Variants in TTN observed in about 807,000 individuals in gnomAD.
TTN encodes the protein titin, also known as connectin.
A neutral mutation model predicts 3,223.0 loss-of-function variants in TTN; 1,525 were observed. That is an observed-to-expected ratio of 0.47 (90% CI 0.45 to 0.49). TTN has a LOEUF of 0.49. TTN is among the 20% of genes least tolerant of loss of function. The probability of loss-of-function intolerance (pLI) is 0.00; values close to 1 mark genes in which losing one functional copy is unlikely to be tolerated. For missense variants in TTN, 40,786 were observed against 43,424.0 expected, an observed-to-expected ratio of 0.94 and a Z score of 5.40; for synonymous variants, 14,094 against 15,161.0, an observed-to-expected ratio of 0.93 and a Z score of 5.17.
rs1198941645 is a variant in TTN, at chr2:178,579,322, G to A, written c.67708C>T (p.Leu22570Phe). Residue 22570 changes from leucine to phenylalanine, a missense_variant, in exon 320 of 363, where the codon CTT (leucine) becomes TTT (phenylalanine). Coordinates refer to ENST00000589042, the MANE Select transcript of TTN (RefSeq NM_001267550.2). Reference protein sequence around the residue: ...YLAKENSNFRLKIPIKGKPAP... With the variant: ...YLAKENSNFRFKIPIKGKPAP... ...GGCTTGCCTTTTATGGGGATCTTAA[G>A]CCGGAAGTTGCTGTTTTCTTTAGCC... 1 of 1,608,190 alleles carries A rather than the reference G, an allele frequency of 6.2e-7. No individual in the cohort carries two copies. The highest frequency in any genetic ancestry group is 8.5e-7 in the Non-Finnish European group (1 of 1,176,834).
chr2:178,556,659 A>G, intron 330 of TTN, 189 bp downstream of exon 330: 1 of 633,328 alleles, frequency 1.6e-6, no homozygotes, highest in Non-Finnish European at 2.7e-6. Flanking sequence ...CTCACTTTAC[A>G]GTCAAGTCAA....
At chr2:178,768,968 C>A (rs2091013162) in intron 37 of TTN, 35 bp from the exon 38 acceptor site, 1 of 1,610,046 alleles carries the variant, frequency 6.2e-7, no homozygotes, top group South Asian at 1.1e-5. Flanking sequence ...CCCAAGGAGA[C>A]TTTACGTAAA....
chr2:178,540,366 A>C lies in TTN; in HGVS notation c.97800T>G (p.Pro32600=), dbSNP rs1693804358. 1 of 1,610,724 alleles carries C rather than the reference A, an allele frequency of 6.2e-7. No homozygotes were observed. Among genetic ancestry groups the C allele is most frequent in the African/African-American group, 1.3e-5 (1 of 74,744 alleles). Residue 32600 remains proline (P), a synonymous_variant, in exon 351 of 363, where the codon CCT becomes CCG. Coordinates refer to ENST00000589042, the MANE Select transcript of TTN (RefSeq NM_001267550.2). ...CTCTTGGGTTTTGTGGCTTTCCTGGAGGAGCTGAGAATAAGAATAAGAATA... is the reference window on the plus strand; with the variant it reads ...CTCTTGGGTTTTGTGGCTTTCCTGGCGGAGCTGAGAATAAGAATAAGAATA... ...KPIVAMDPIA[P]PGKPQNPRVT...
rs876658107 is a variant in TTN at position 178,740,382 on chromosome 2, T to G, written c.12851A>C (p.Gln4284Pro). 1 of 1,613,464 alleles carries G rather than the reference T, an allele frequency of 6.2e-7. No individual in the cohort carries two copies. Among genetic ancestry groups the G allele is most frequent in the Middle Eastern group, 1.7e-4 (1 of 6,054 alleles). ...AGGGACTAGGGGCTCATAGTTTACC[T>G]GAGAGATCATGACATCAGGACTCTG... is the stretch of plus-strand genomic sequence containing the variant. ...SLQSPDVMIS[Q>P]VNYEPLVPSE... The change falls in exon 48 of 363, where the codon CAG (glutamine) becomes CCG (proline). Residue 4284 changes from glutamine (Q) to proline (P), a missense_variant. Coordinates refer to ENST00000589042, the MANE Select transcript of TTN (RefSeq NM_001267550.2).
In TTN at chr2:178,542,316, G is replaced by T. The variant is rs537143465; in HGVS notation, c.97440C>A (p.Phe32480Leu). The T allele has an allele frequency of 1.2e-6, 2 of 1,612,550 alleles. No homozygotes were observed. Among genetic ancestry groups the T allele is most frequent in the African/African-American group, 1.3e-5 (1 of 74,876 alleles). The change falls in exon 349 of 363, where the codon TTC (phenylalanine) becomes TTA (leucine). Residue 32480 changes from phenylalanine (F) to leucine (L), a missense_variant. Coordinates refer to ENST00000589042, the MANE Select transcript of TTN (RefSeq NM_001267550.2). ...YVFRVAATNR[F>L]GIGSYLQSEV... ...CAGACTGCAAGTAAGAGCCAATCCC[G>T]AAGCGGTTTGTTGCAGCCACACGGA...
At chr2:178,748,700 T>C (rs2084418207) in intron 47 of TTN, 1 of 1,612,690 alleles carries the variant, frequency 6.2e-7, no homozygotes, top group Admixed American at 1.7e-5. Flanking sequence ...TGATTCATGT[T>C]CAGCTCTTTT....
chr2:178,527,403 G>A (rs1335200663), intron 362 of TTN, 43 bp downstream of exon 362: 5 of 1,595,008 alleles, frequency 3.1e-6, no homozygotes, highest in Admixed American at 3.4e-5. Context: ...ACTACACCAT[G>A]TTACTTGGCT....
Position 178,680,318 on chromosome 2 carries a change from G to C in TTN, c.33354C>G (p.Pro11118=). The part of the protein sequence containing the change: ...TEPAAKVPMK[P]KRVVAEEKVP... ...CTTTTTCTTCTGCGACAACCCTCTTGGGCTTCATGGGCACTTGAAATATGA... is the reference window on the plus strand; with the variant it reads ...CTTTTTCTTCTGCGACAACCCTCTTCGGCTTCATGGGCACTTGAAATATGA... Residue 11118 remains proline, a synonymous_variant, in exon 139 of 363, where the codon CCC becomes CCG. Transcript: ENST00000589042. 1.2e-6 allele frequency: 2 copies of C among 1,608,618 alleles called. No homozygotes were observed. Among genetic ancestry groups the C allele is most frequent in the Non-Finnish European group, 8.5e-7 (1 of 1,178,398 alleles).
At position 178,559,529 on chromosome 2, in the gene TTN, A is replaced by G. The variant is rs1702826806; in HGVS notation, c.86603T>C (p.Val28868Ala). The change falls in exon 326 of 363, where the codon GTT (valine) becomes GCT (alanine). Residue 28868 changes from valine (V) to alanine (A), a missense_variant. Coordinates refer to ENST00000589042, the MANE Select transcript of TTN (RefSeq NM_001267550.2). ...TGGTGCTCCACCATCGTTTTCAGGA[A>G]CATCCCAGGATAACACTGCAGACTC... ...TKESAVLSWD[V>A]PENDGGAPVK... is the part of the protein sequence containing the mutation. The G allele has an allele frequency of 6.2e-7, 1 of 1,613,710 alleles. No homozygotes were observed. Among genetic ancestry groups the G allele is most frequent in the Non-Finnish European group, 8.5e-7 (1 of 1,179,760 alleles).
chr2:178,624,521 T>G lies in TTN; in HGVS notation c.44759A>C (p.Lys14920Thr). ...ATCCTTAGCATCACAAGTGTATGTTTTAATATCCTCTGGGGTACAGTCATG... is the reference window on the plus strand; with the variant it reads ...ATCCTTAGCATCACAAGTGTATGTTGTAATATCCTCTGGGGTACAGTCATG... ...VIHDCTPEDI[K>T]TYTCDAKDFK... The change falls in exon 242 of 363, where the codon AAA (lysine) becomes ACA (threonine). Residue 14920 changes from lysine (K) to threonine (T), a missense_variant. Lys to Thr is a moderately conservative substitution (Grantham distance 78). Coordinates refer to ENST00000589042, the MANE Select transcript of TTN (RefSeq NM_001267550.2). 1 of 1,612,784 alleles carries G rather than the reference T, an allele frequency of 6.2e-7. No individual in the cohort carries two copies. Among genetic ancestry groups the G allele is most frequent in the Non-Finnish European group, 8.5e-7 (1 of 1,179,156 alleles).
Position 178,541,361 on chromosome 2 carries a change from G to T in TTN, c.97716C>A (p.His32572Gln). The stretch of plus-strand genomic sequence containing the variant: ...CTCTTGCATTAATGGCTGTGACACG[G>T]TGTTCATATTCTAAGCCTTCAGTAA... ...TGLTEGLEYE[H>Q]RVTAINARGS... Residue 32572 changes from histidine (H) to glutamine (Q), a missense_variant, in exon 350 of 363, where the codon CAC becomes CAA. By Grantham distance (24) the His-to-Gln change is conservative (BLOSUM62 0). Transcript: ENST00000589042. 1.2e-6 allele frequency: 2 copies of T among 1,600,054 alleles called. No individual in the cohort carries two copies. The highest frequency in any genetic ancestry group is 1.7e-6 in the Non-Finnish European group (2 of 1,172,376).
chr2:178,586,727 G>C lies in TTN; in HGVS notation c.64174C>G (p.Arg21392Gly). ...CCATCGATTTTAGCACCTCCATCAC[G>C]TAGGGGAGGTAACCAGGCTAAGGTG... Reference protein sequence around the residue: ...SATLAWLPPLRDGGAKIDGYI... With the variant: ...SATLAWLPPLGDGGAKIDGYI... The change falls in exon 308 of 363, where the codon CGT becomes GGT. Residue 21392 changes from arginine (R) to glycine (G), a missense_variant. Transcript: ENST00000589042. The C allele has an allele frequency of 6.2e-7, 1 of 1,613,112 alleles. No individual in the cohort carries two copies.
Position 178,734,544 on chromosome 2 carries a change from G to A in TTN, c.15280C>T (p.Leu5094Phe). The A allele has an allele frequency of 6.2e-7, 1 of 1,608,762 alleles. No homozygotes were observed. Among genetic ancestry groups the A allele is most frequent in the Non-Finnish European group, 8.5e-7 (1 of 1,176,754 alleles). ...CCAGTGCCTGAGACTTCACACTGAA[G>A]TAGAGCATTTGTTCCTCTCACTATG... ...ADIVRGTNAL[L>F]QCEVSGTGPF... The change falls in exon 52 of 363, where the codon CTT becomes TTT. Residue 5094 changes from leucine to phenylalanine, a missense_variant. Physicochemically the swap from Leu to Phe is conservative, Grantham distance 22. Coordinates refer to ENST00000589042, the MANE Select transcript of TTN (RefSeq NM_001267550.2).
rs1474621978 is a variant in TTN at position 178,602,477 on chromosome 2, C to G, written c.54925G>C (p.Val18309Leu). The change falls in exon 283 of 363, where the codon GTA (valine) becomes CTA (leucine). Residue 18309 changes from valine to leucine, a missense_variant. Val to Leu is a conservative substitution (Grantham distance 32). Transcript: ENST00000589042. ...DGGSPIKGYI[V>L]EMQEEGTTDW... ...GTAGTACCTTCTTCTTGCATTTCTA[C>G]AATGTATCCTTTGATTGGGCTGCCA... The G allele has an allele frequency of 3.1e-6, 5 of 1,612,104 alleles. No individual in the cohort carries two copies. The highest frequency in any genetic ancestry group is 4.2e-6 in the Non-Finnish European group (5 of 1,178,990).
chr2:178,783,771 T>C lies in TTN; in HGVS notation c.2790A>G (p.Ala930=). 1.2e-6 allele frequency: 2 copies of C among 1,613,526 alleles called. No individual in the cohort carries two copies. Among genetic ancestry groups the C allele is most frequent in the Non-Finnish European group, 1.7e-6 (2 of 1,179,740 alleles). The part of the protein sequence containing the change: ...HGREAKVTET[A]RVPAPVEIPV... ...GAATTTCAACAGGTGCTGGTACTCT[T>C]GCTGTTTCTGTTACCTAGATTTTTA... The change falls in exon 17 of 363, where the codon GCA becomes GCG. Residue 930 remains alanine, a synonymous_variant. Coordinates refer to ENST00000589042, the MANE Select transcript of TTN (RefSeq NM_001267550.2).
chr2:178,543,885 C>T lies in TTN; in HGVS notation c.96259G>A (p.Ala32087Thr), dbSNP rs1216183725. Residue 32087 changes from alanine to threonine, a missense_variant, in exon 346 of 363, where the codon GCT becomes ACT. Transcript: ENST00000589042. ...GATTTCTTGCCAGATTGGTTTTCAG[C>T]TTCAATTGTGTATTTTCCAGCATCG... ...RYDAGKYTIE[A>T]ENQSGKKSAT... 2 of 1,613,662 alleles carry T rather than the reference C, an allele frequency of 1.2e-6. No homozygotes were observed. The highest frequency in any genetic ancestry group is 1.7e-6 in the Non-Finnish European group (2 of 1,179,704).
rs781299976 is a variant in TTN at position 178,781,198 on chromosome 2, T to C, written c.3446A>G (p.Asp1149Gly). 4.3e-6 allele frequency: 7 copies of C among 1,614,072 alleles called. No individual in the cohort carries two copies. The highest frequency in any genetic ancestry group is 3.3e-5 in the South Asian group (3 of 91,082). Reference protein sequence around the residue: ...CKLVISMTFADDAGEYTIVVR... With the variant: ...CKLVISMTFAGDAGEYTIVVR... ...AACAATAGTGTATTCTCCAGCATCA[T>C]CAGCAAAAGTCATAGAAATCACCAG... The change falls in exon 21 of 363, where the codon GAT becomes GGT. Residue 1149 changes from aspartate (D) to glycine (G), a missense_variant. Coordinates refer to ENST00000589042, the MANE Select transcript of TTN (RefSeq NM_001267550.2).
At chr2:178,713,579 C>T (rs1264398136) in intron 92 of TTN, among the ~76,000 whole-genome samples, 10 of 152,060 alleles carry the variant, frequency 6.6e-5, no homozygotes, top group Non-Finnish European at 1.5e-5. Flanking sequence ...GGTTGACTTG[C>T]TAGGGATTTT....
rs1256768417 is a variant in TTN at position 178,685,007 on chromosome 2, T to A, written c.32471-18A>T. 6.4e-7 allele frequency: 1 copy of A among 1,573,742 alleles called. No individual in the cohort carries two copies. Among genetic ancestry groups the A allele is most frequent in the African/African-American group, 1.3e-5 (1 of 74,290 alleles). On this transcript the variant is annotated intron_variant, in intron 129 of 362. Coordinates refer to ENST00000589042, the MANE Select transcript of TTN (RefSeq NM_001267550.2). Reference sequence around the variant, plus strand: ...TTCAGGAACTTTAGAAAGATTAGGTTTAAGAATATGAGTTTGCCTTACATA... The same window carrying A: ...TTCAGGAACTTTAGAAAGATTAGGTATAAGAATATGAGTTTGCCTTACATA...
Sources: gnomAD v4.1 joint callset for allele counts (sites outside exome capture counted in the v4.1 genomes callset) on GRCh38, gnomAD v4.1.1 for gene constraint, MANE v1.5 for transcripts, NCBI Gene and HGNC (gene_info 2026-07-23, HGNC 2026-07-21) for gene names.